Variants in POU6F2 observed in about 807,000 individuals in gnomAD.
The protein encoded by POU6F2 is POU class 6 homeobox 2.
In POU6F2, 31 loss-of-function variants were observed where a neutral mutation model predicts 71.3. The ratio of observed to expected loss-of-function variants is 0.43; its 90% CI spans 0.33 to 0.59. POU6F2 has a LOEUF of 0.59. Among genes scored for constraint, POU6F2 ranks in the 20% least tolerant of loss-of-function variants. POU6F2 has a pLI of 0.04. For synonymous variants in POU6F2, 347 were observed against 355.7 expected (o/e 0.98, Z 0.27); for missense variants, 783 against 856.8 (o/e 0.91, Z 1.07).
intron 4 of POU6F2, among the ~76,000 whole-genome samples, chr7:39,326,115 TGGA>T (rs968277408): frequency 1.3e-5 from 2 of 152,334 alleles, no homozygotes; most frequent in Non-Finnish European, 1.5e-5. Context: ...TTCACATTAA[TGGA>T]GGAAAAATAA....
Position 39,467,241 on chromosome 7 carries a change from T to C in POU6F2, c.*2555T>C, listed in dbSNP as rs1223653075. 6.6e-6 allele frequency: 1 copy of C among 152,238 alleles called. No individual in the cohort carries two copies. The highest frequency in any genetic ancestry group is 1.5e-5 in the Non-Finnish European group (1 of 68,044). 9.4% of individuals were successfully genotyped at this position (152,238 alleles called of 1,614,324 possible). ...ATAAGGTGTTGTAATGCTTCTTATA[T>C]TAATTTTTTACAGATAAATTTTTTG... On this transcript the variant is annotated 3_prime_UTR_variant, in exon 10 of 10. Coordinates refer to ENST00000518318, the MANE Select transcript of POU6F2 (RefSeq NM_001370959.1).
chr7:39,163,764 G>A (rs868633754), intron 2 of POU6F2, among the ~76,000 whole-genome samples: 9 of 152,142 alleles, frequency 5.9e-5, no homozygotes, highest in African/African-American at 1.9e-4. Context: ...GAAACAACTA[G>A]GTGTCCATCA....
intron 2 of POU6F2, among the ~76,000 whole-genome samples, chr7:39,184,972 G>A (rs1289083938): frequency 1.3e-5 from 2 of 152,182 alleles, no homozygotes; most frequent in Non-Finnish European, 2.9e-5. Context: ...TGACTGGTCT[G>A]TTAACTTCTG....
intron 5 of POU6F2, among the ~76,000 whole-genome samples, chr7:39,369,111 G>C (rs1583555287): frequency 6.6e-6 from 1 of 152,196 alleles, no homozygotes; most frequent in Non-Finnish European, 1.5e-5. Context: ...TACTCCTGGT[G>C]AACTACTGTG....
At position 39,460,415 on chromosome 7, in the gene POU6F2, G is replaced by A. The variant is rs1039563173; in HGVS notation, c.1490-132G>A. 3.1e-6 allele frequency: 3 copies of A among 965,486 alleles called. No individual in the cohort carries two copies. The highest frequency in any genetic ancestry group is 2.3e-5 in the Admixed American group (1 of 43,308). 59.8% of individuals were successfully genotyped at this position (965,486 alleles called of 1,614,324 possible). On this transcript the variant is annotated intron_variant, in intron 8 of 9. Transcript: ENST00000518318. The surrounding 1 kb of genome is among the most constrained non-coding windows in gnomAD (Gnocchi z 4.4). ...GGGTGTCTCACCTGGGAGACAAAGC[G>A]AACATTCTCTGAGGTTGGTTTCCTC...
intron 1 of POU6F2, chr7:39,002,112 A>G (rs951393273): frequency 1.3e-5 from 2 of 152,188 alleles, no homozygotes; most frequent in African/African-American, 4.8e-5. Flanking sequence ...TAAGTTGTTT[A>G]GTCTTACCTT....
At chr7:39,128,975 A>C (rs1792198894) in intron 2 of POU6F2, among the ~76,000 whole-genome samples, 2 of 152,214 alleles carry the variant, frequency 1.3e-5, no homozygotes, top group Admixed American at 1.3e-4. Context: ...GTTAGGATGA[A>C]ATTCAGGATC....
intron 1 of POU6F2, among the ~76,000 whole-genome samples, chr7:39,078,805 C>G (rs1791050716): frequency 6.6e-6 from 1 of 152,180 alleles, no homozygotes; most frequent in Admixed American, 6.5e-5. Flanking sequence ...TGAGAAAGGA[C>G]TCCTCTGCTG....
At chr7:39,082,837 A>ACAAAT (rs1791154833) in intron 1 of POU6F2, among the ~76,000 whole-genome samples, 1 of 99,748 alleles carries the variant, frequency 1.0e-5, no homozygotes. Flanking sequence ...CACACACACA[A>ACAAAT]ATATATATAT....
At chr7:39,292,563 G>A (rs1225284870) in intron 4 of POU6F2, among the ~76,000 whole-genome samples, 1 of 152,164 alleles carries the variant, frequency 6.6e-6, no homozygotes. Context: ...TAAGGTCTTC[G>A]TTGGCATTTG....
chr7:39,397,429 A>G (rs1787196196), intron 5 of POU6F2, among the ~76,000 whole-genome samples: 1 of 148,190 alleles, frequency 6.7e-6, no homozygotes, highest in South Asian at 2.1e-4. Flanking sequence ...AGACAAATGT[A>G]TATGTATTTA....
chr7:39,363,965 A>G (rs1455479936), intron 5 of POU6F2, among the ~76,000 whole-genome samples: 3 of 152,226 alleles, frequency 2.0e-5, no homozygotes, highest in Admixed American at 2.0e-4. Flanking sequence ...AACAAATGGC[A>G]TAATAGCTAG....
At chr7:39,433,381 C>CA in intron 7 of POU6F2, 98 bp downstream of exon 7, 1 of 1,336,326 alleles carries the variant, frequency 7.5e-7, no homozygotes, top group Non-Finnish European at 1.0e-6. Context: ...TTTTACATTA[C>CA]AAAATAGTTG....
At chr7:39,099,459 G>A (rs1050256935) in intron 2 of POU6F2, among the ~76,000 whole-genome samples, 4 of 152,198 alleles carry the variant, frequency 2.6e-5, no homozygotes, top group African/African-American at 9.6e-5. Context: ...CCCATGTTGG[G>A]AACAGAGCAT....
chr7:39,328,212 C>T (rs1047292708), intron 4 of POU6F2, among the ~76,000 whole-genome samples: 1 of 152,248 alleles, frequency 6.6e-6, no homozygotes, highest in Non-Finnish European at 1.5e-5. Flanking sequence ...AGCCACCGCA[C>T]CCGACCGAAT....
intron 1 of POU6F2, among the ~76,000 whole-genome samples, chr7:38,983,391 CTTTCT>C (rs1459806572): frequency 3.2e-4 from 25 of 77,934 alleles, no homozygotes; most frequent in Admixed American, 2.1e-3. Context: ...TGCCTCCCTC[CTTTCT>C]TTTTTTTTTT....
chr7:39,118,153 T>C (rs1261269263), intron 2 of POU6F2, among the ~76,000 whole-genome samples: 1 of 152,164 alleles, frequency 6.6e-6, no homozygotes. Flanking sequence ...AGAAAAGGCC[T>C]CCAGATTTTG....
chr7:39,105,504 T>C (rs1791660757), intron 2 of POU6F2, among the ~76,000 whole-genome samples: 1 of 152,012 alleles, frequency 6.6e-6, no homozygotes, highest in African/African-American at 2.4e-5. Context: ...TAGAAGTTGA[T>C]GCCACATTTC....
chr7:39,200,005 G>T (rs1055067015), intron 2 of POU6F2, among the ~76,000 whole-genome samples: 1 of 152,216 alleles, frequency 6.6e-6, no homozygotes, highest in African/African-American at 2.4e-5. Context: ...AAAATTACCT[G>T]TGAACAAATC....
Sources: allele counts gnomAD v4.1 joint callset (sites outside exome capture counted in the v4.1 genomes callset), GRCh38; gene constraint gnomAD v4.1.1; non-coding constraint Gnocchi (gnomAD v3.1); transcripts MANE v1.5; gene names NCBI Gene and HGNC (gene_info 2026-07-23, HGNC 2026-07-21).